The following AKR1C3 variants were observed in gnomAD, a reference collection of about 807,000 sequenced individuals.
The protein encoded by AKR1C3 is aldo-keto reductase family 1 member C3, also known as 3-alpha hydroxysteroid dehydrogenase, type II.
In AKR1C3, 48 loss-of-function variants were observed where a neutral mutation model predicts 43.6. The ratio of observed to expected loss-of-function variants is 1.10; its 90% confidence interval spans 0.87 to 1.40. AKR1C3 has a LOEUF of 1.40. AKR1C3 is among the 40% of genes most tolerant of loss of function. AKR1C3 has a pLI of 0.00. For synonymous variants in AKR1C3, 162 were observed against 139.6 expected, an observed-to-expected ratio of 1.16 and a Z score of -1.13; for missense variants, 482 against 391.2, an observed-to-expected ratio of 1.23 and a Z score of -1.96.
intron 1 of AKR1C3, among the ~76,000 whole-genome samples, chr10:5,088,822 A>G (rs1279774611): frequency 1.4e-4 from 22 of 151,958 alleles, no homozygotes; most frequent in Admixed American, 1.1e-3. Context: ...ACCTAGATAT[A>G]TGAGCTTTTG....
intron 3 of AKR1C3, chr10:5,097,845 C>T: frequency 1.7e-6 from 2 of 1,161,226 alleles, no homozygotes; most frequent in South Asian, 1.9e-5. Flanking sequence ...GAGTCCATCT[C>T]TTGGGATGTT....
At chr10:5,088,275 G>A (rs1192093371) in intron 1 of AKR1C3, among the ~76,000 whole-genome samples, 3 of 152,118 alleles carry the variant, frequency 2.0e-5, no homozygotes, top group Non-Finnish European at 4.4e-5. Flanking sequence ...ATGTGCAGGT[G>A]AGAAAAATGT....
Position 5,063,720 on chromosome 10 carries a change from G to A in AKR1C3, c.84+14825G>A, listed in dbSNP as rs535742549. On this transcript the variant is annotated intron_variant, in intron 1 of 8. Transcript: ENST00000439082. ...AGAGGTTGCAGTGAGCCAAGACTGC[G>A]CCACTGCAATCCACCCTGGAGGACA... Among the ~76,000 whole-genome samples, 116 of 118,514 alleles carry A rather than the reference G, an allele frequency of 9.8e-4. 1 individual carries two copies. Among genetic ancestry groups the A allele is most frequent in the African/African-American group, 3.0e-3 (94 of 31,190 alleles). 77.7% of individuals were successfully genotyped at this position (118,514 alleles called of 152,430 possible). A position where few individuals can be genotyped will look rare whatever the true frequency, so the allele number is the denominator to read the frequency against.
At chr10:5,058,145 G>C (rs189596806) in intron 1 of AKR1C3, among the ~76,000 whole-genome samples, 10 of 152,266 alleles carry the variant, frequency 6.6e-5, no homozygotes, top group South Asian at 2.1e-4. Context: ...GTTAGAGGAG[G>C]ATTATCATTA....
chr10:5,065,349 C>A (rs1274804603), intron 1 of AKR1C3, among the ~76,000 whole-genome samples: 16 of 152,122 alleles, frequency 1.1e-4, no homozygotes, highest in Non-Finnish European at 2.1e-4. Context: ...GTCATGGAAT[C>A]AAATTAAATG....
chr10:5,080,308 T>C (rs1469900008), intron 1 of AKR1C3, among the ~76,000 whole-genome samples: 1 of 152,176 alleles, frequency 6.6e-6, no homozygotes, highest in East Asian at 1.9e-4. Context: ...AATTATCACC[T>C]TTAGTTTTGT....
At chr10:5,097,673 G>A (rs782282013) in intron 3 of AKR1C3, 123 bp downstream of exon 3, 74 of 1,561,500 alleles carry the variant, frequency 4.7e-5, no homozygotes, top group Middle Eastern at 1.7e-4. Flanking sequence ...AAGAAGAACC[G>A]TAAGTGGAAC....
At chr10:5,053,629 G>C (rs538038264) in intron 1 of AKR1C3, among the ~76,000 whole-genome samples, 2 of 152,252 alleles carry the variant, frequency 1.3e-5, no homozygotes, top group Non-Finnish European at 2.9e-5. Context: ...GAATGGCAAG[G>C]ACTGTGAGGC....
intron 1 of AKR1C3, among the ~76,000 whole-genome samples, chr10:5,088,635 T>C (rs1055071937): frequency 7.3e-5 from 11 of 151,598 alleles, no homozygotes; most frequent in Admixed American, 4.0e-4. Flanking sequence ...AGTATAAGAA[T>C]GGCTAGTCCT....
intron 1 of AKR1C3, among the ~76,000 whole-genome samples, chr10:5,087,152 C>T (rs568797870): frequency 1.3e-3 from 193 of 152,274 alleles, no homozygotes; most frequent in African/African-American, 4.5e-3. Context: ...GATGCAGTTT[C>T]TTCCTAGCCT....
At chr10:5,092,062 T>C (rs1839103242), upstream of AKR1C3, among the ~76,000 whole-genome samples, 1 of 142,834 alleles carries the variant, frequency 7.0e-6, no homozygotes, top group South Asian at 2.6e-4. Flanking sequence ...TTGCCAAATA[T>C]AGATTTGTTG....
chr10:5,070,670 T>A (rs1838598711), intron 1 of AKR1C3, among the ~76,000 whole-genome samples: 2 of 152,214 alleles, frequency 1.3e-5, no homozygotes, highest in African/African-American at 2.4e-5. Context: ...TGTGGAACCA[T>A]AATAAATGGG....
At chr10:5,066,629 G>C (rs4881390) in intron 1 of AKR1C3, among the ~76,000 whole-genome samples, 109,892 of 152,036 alleles carry the variant, frequency 0.72, 39,941 homozygotes, top group East Asian at 0.93. Context: ...GGTGCTCATC[G>C]AAGGTCCCCA....
chr10:5,087,652 C>T (rs1056131901), intron 1 of AKR1C3, among the ~76,000 whole-genome samples: 2 of 151,964 alleles, frequency 1.3e-5, no homozygotes, highest in African/African-American at 2.4e-5. Context: ...GGATTACAGA[C>T]GTAAGCCACT....
At chr10:5,086,618 TC>T (rs1188113779) in intron 1 of AKR1C3, among the ~76,000 whole-genome samples, 3 of 152,024 alleles carry the variant, frequency 2.0e-5, no homozygotes, top group African/African-American at 7.3e-5. Flanking sequence ...TGAGTTCAAT[TC>T]CTGGGTATCC....
At chr10:5,102,446 C>G (rs33979906) in intron 6 of AKR1C3, 39 bp from the exon 7 acceptor site, 310,727 of 1,335,626 alleles carry the variant, frequency 0.23, 47,421 homozygotes, top group East Asian at 0.67. Context: ...CAAACTATCG[C>G]CAGCCTCAGG....
intron 1 of AKR1C3, among the ~76,000 whole-genome samples, chr10:5,067,897 A>G (rs1247649413): frequency 6.6e-6 from 1 of 152,184 alleles, no homozygotes; most frequent in Non-Finnish European, 1.5e-5. Flanking sequence ...CCATGAGTCT[A>G]AACTTGATTA....
rs1246343124 is a variant in AKR1C3, at chr10:5,077,676, G to A, written c.85-18734G>A. 1.5e-5 allele frequency: 17 copies of A among 1,103,280 alleles called. No homozygotes were observed. The African/African-American group carries it at 2.8e-4, about 18-fold the overall frequency. 68.3% of individuals were successfully genotyped at this position (1,103,280 alleles called of 1,614,324 possible). On this transcript the variant is annotated intron_variant, in intron 1 of 8. Transcript: ENST00000439082. ...TTCCCCTTAGTAAAATGGCAGGATGGTTTGCTTGCCATTGAAACTAACCAA... is the reference window on the plus strand; with the variant it reads ...TTCCCCTTAGTAAAATGGCAGGATGATTTGCTTGCCATTGAAACTAACCAA...
chr10:5,049,997 C>T (rs1554778795), intron 1 of AKR1C3, among the ~76,000 whole-genome samples: 1 of 151,864 alleles, frequency 6.6e-6, no homozygotes, highest in Non-Finnish European at 1.5e-5. Context: ...GTCTAGTGGA[C>T]ACACTGTGGA....
Sources: gnomAD v4.1 joint callset for allele counts (sites outside exome capture counted in the v4.1 genomes callset) on GRCh38, gnomAD v4.1.1 for gene constraint, MANE v1.5 for transcripts, NCBI Gene and HGNC (gene_info 2026-07-23, HGNC 2026-07-21) for gene names.